The following DCAF8L2 variants were observed in gnomAD, a reference collection of about 807,000 sequenced individuals.
DCAF8L2 encodes the protein DDB1 and CUL4 associated factor 8 like 2.
For synonymous variants in DCAF8L2, 200 were observed against 190.9 expected (o/e 1.05, Z -0.39); for missense variants, 430 against 490.7 (o/e 0.88, Z 1.17).
intron 1 of DCAF8L2, among the ~76,000 whole-genome samples, chrX:27,613,014 G>A (rs1254896897): frequency 9.0e-6 from 1 of 111,583 alleles, no homozygotes; most frequent in Non-Finnish European, 1.9e-5. Context: ...GATGAGGATG[G>A]CATTGAATCT....
At chrX:27,629,148 T>C (rs1443527371) in intron 1 of DCAF8L2, among the ~76,000 whole-genome samples, 3 of 111,782 alleles carry the variant, frequency 2.7e-5, no homozygotes, top group Admixed American at 1.9e-4. Context: ...AGTTGACAAA[T>C]TTTTTCCCAT....
chrX:27,519,811 A>G, the DCAF8L2 span: 2 of 420,475 alleles, frequency 4.8e-6, no homozygotes, highest in Non-Finnish European at 8.5e-6. Flanking sequence ...AAATACGAAC[A>G]ATTATCATGT....
intron 1 of DCAF8L2, among the ~76,000 whole-genome samples, chrX:27,629,244 T>G (rs763820135): frequency 2.7e-5 from 3 of 111,817 alleles, no homozygotes; most frequent in Non-Finnish European, 5.6e-5. Context: ...TTCCTTTTGT[T>G]GCCTGTGCTT....
chrX:27,707,950 T>A (rs1377435497), intron 3 of DCAF8L2, among the ~76,000 whole-genome samples: 1 of 111,841 alleles, frequency 8.9e-6, no homozygotes, highest in African/African-American at 3.3e-5. Flanking sequence ...AATTTCAAAA[T>A]CTTTTAGTAT....
At chrX:27,704,173 T>TATACACACACACACAC (rs757835089) in intron 3 of DCAF8L2, among the ~76,000 whole-genome samples, 1 of 44,276 alleles carries the variant, frequency 2.3e-5, no homozygotes, top group African/African-American at 1.5e-4. Flanking sequence ...TATATATATA[T>TATACACACACACACAC]ACATATACAC....
the DCAF8L2 span, among the ~76,000 whole-genome samples, chrX:27,547,871 T>TCTCTCTCTCTC: frequency 2.1e-4 from 4 of 19,267 alleles, no homozygotes; most frequent in African/African-American, 2.4e-4. Context: ...CTCTCTCTCT[T>TCTCTCTCTCTC]TCTCTCTCTC....
the DCAF8L2 span, among the ~76,000 whole-genome samples, chrX:27,504,701 T>A: frequency 9.0e-6 from 1 of 111,386 alleles, no homozygotes; most frequent in South Asian, 3.8e-4. Context: ...TTGGACTGAC[T>A]CATAGTAGCA....
chrX:27,561,495 T>C, the DCAF8L2 span, among the ~76,000 whole-genome samples: 2 of 111,685 alleles, frequency 1.8e-5, no homozygotes, highest in African/African-American at 6.5e-5. Flanking sequence ...TCAGTGTTTT[T>C]TAGTATATTC....
chrX:27,541,517 C>T, the DCAF8L2 span, among the ~76,000 whole-genome samples: 11 of 108,044 alleles, frequency 1.0e-4, no homozygotes, highest in South Asian at 4.1e-4. Flanking sequence ...TTCAGGCATG[C>T]GCTACCATGC....
the DCAF8L2 span, among the ~76,000 whole-genome samples, chrX:27,565,535 T>C: frequency 1.8e-5 from 2 of 112,015 alleles, no homozygotes; most frequent in Non-Finnish European, 3.8e-5. Flanking sequence ...CTTTGCCTGA[T>C]TTTTATGACA....
At chrX:27,613,502 G>A (rs1246143359) in intron 1 of DCAF8L2, among the ~76,000 whole-genome samples, 1 of 111,227 alleles carries the variant, frequency 9.0e-6, no homozygotes, top group East Asian at 2.8e-4. Flanking sequence ...AATAGGAGTG[G>A]TGAGAGAGGG....
chrX:27,523,806 C>T, the DCAF8L2 span, among the ~76,000 whole-genome samples: 2 of 109,983 alleles, frequency 1.8e-5, no homozygotes, highest in Non-Finnish European at 3.8e-5. Flanking sequence ...TGTGATGTTC[C>T]CCTTCCTGTG....
At chrX:27,605,778 C>T (rs1344872183) in intron 1 of DCAF8L2, among the ~76,000 whole-genome samples, 1 of 111,347 alleles carries the variant, frequency 9.0e-6, no homozygotes, top group Non-Finnish European at 1.9e-5. Flanking sequence ...TGGAGCTAAT[C>T]AGAAATGAAG....
chrX:27,720,340 A>T (rs189106160), intron 4 of DCAF8L2, among the ~76,000 whole-genome samples: 6 of 111,228 alleles, frequency 5.4e-5, no homozygotes, highest in Admixed American at 4.8e-4. Context: ...TCTTTTTCAA[A>T]GCTATTTCAG....
chrX:27,748,912 A>G lies in DCAF8L2; in HGVS notation c.*121A>G. 1.2e-6 allele frequency: 1 copy of G among 861,671 alleles called. No homozygotes were observed. The highest frequency in any genetic ancestry group is 1.6e-6 in the Non-Finnish European group (1 of 639,128). 71.0% of individuals were successfully genotyped at this position (861,671 alleles called of 1,213,427 possible). On this transcript the variant is annotated 3_prime_UTR_variant, in exon 5 of 5. Transcript: ENST00000451261. ...TGCTTTTTGTCTTCTATTTTCCATA[A>G]TATATGCTGAAAACCGTCTCTTCCA...
At chrX:27,520,652 G>A in the DCAF8L2 span, among the ~76,000 whole-genome samples, 1 of 111,815 alleles carries the variant, frequency 8.9e-6, no homozygotes, top group Admixed American at 9.6e-5. Flanking sequence ...GTCCATTTCT[G>A]ACCTTGCAAG....
chrX:27,686,963 A>G (rs756590987), intron 3 of DCAF8L2, among the ~76,000 whole-genome samples: 1 of 111,998 alleles, frequency 8.9e-6, no homozygotes, highest in African/African-American at 3.2e-5. Context: ...ATGAGAATCT[A>G]ATGCTGCCAC....
the DCAF8L2 span, among the ~76,000 whole-genome samples, chrX:27,534,890 T>C: frequency 8.9e-6 from 1 of 111,933 alleles, no homozygotes; most frequent in East Asian, 2.8e-4. Context: ...CAATTTTCCA[T>C]AGGGAGTTTA....
At chrX:27,601,863 C>G (rs1436652466) in intron 1 of DCAF8L2, among the ~76,000 whole-genome samples, 1 of 111,023 alleles carries the variant, frequency 9.0e-6, no homozygotes, top group Non-Finnish European at 1.9e-5. Flanking sequence ...GGTACCAAGT[C>G]CTGTGTATTC....
Sources: allele counts gnomAD v4.1 joint callset (sites outside exome capture counted in the v4.1 genomes callset), GRCh38; gene constraint gnomAD v4.1.1; transcripts MANE v1.5; gene names NCBI Gene and HGNC (gene_info 2026-07-23, HGNC 2026-07-21).